MAGEB1: variants seen among roughly 807,000 people sequenced by gnomAD.
MAGEB1 encodes the protein melanoma-associated antigen B1.
For missense variants in MAGEB1, 290 were observed against 286.7 expected (o/e 1.01, Z -0.08); for synonymous variants, 99 against 105.7 (o/e 0.94, Z 0.39).
In MAGEB1 at chrX:30,250,957, GC is replaced by G. The variant is rs1268661633; in HGVS notation, c.466del (p.Arg156AlafsTer10). 8.3e-7 allele frequency: 1 copy of G among 1,209,800 alleles called. No individual in the cohort carries two copies. Among genetic ancestry groups the G allele is most frequent in the East Asian group, 3.0e-5 (1 of 33,759 alleles). ...HFTEILNGAS[R>X]RLELVFGLDL... ...ACTGAGATCCTCAATGGAGCCTCTC[GC>G]CGCTTGGAGCTCGTCTTTGGCCTTG... On this transcript the variant is annotated frameshift_variant, in exon 2 of 2. Transcript: ENST00000397548. LOFTEE classifies it low-confidence loss of function (END_TRUNC).
In MAGEB1 at chrX:30,251,191, A is replaced by C; in HGVS notation, c.698A>C (p.Glu233Ala). ...AATGTGTTGGGAGCCTATGATGGAG[A>C]GGAGCACTTAATCTATGGGGAACCC... Reference protein sequence around the residue: ...FMNVLGAYDGEEHLIYGEPRK... With the variant: ...FMNVLGAYDGAEHLIYGEPRK... Residue 233 changes from glutamate to alanine, a missense_variant, in exon 2 of 2, where the codon GAG becomes GCG. Transcript: ENST00000397548. 8.3e-7 allele frequency: 1 copy of C among 1,211,805 alleles called. No individual in the cohort carries two copies. Among genetic ancestry groups the C allele is most frequent in the Non-Finnish European group, 1.1e-6 (1 of 895,339 alleles).
At chrX:30,245,106 C>T (rs1925268649), upstream of MAGEB1, among the ~76,000 whole-genome samples, 1 of 111,438 alleles carries the variant, frequency 9.0e-6, no homozygotes, top group African/African-American at 3.3e-5. Context: ...CAGAGTTGGT[C>T]CTTGAACCAA....
At chrX:30,246,677 G>T (rs1258879832), upstream of MAGEB1, among the ~76,000 whole-genome samples, 3 of 112,146 alleles carry the variant, frequency 2.7e-5, no homozygotes, top group African/African-American at 6.5e-5. Context: ...AGTCCCCACA[G>T]AATTCACCCC....
Position 30,251,458 on chromosome X carries a change from G to A in MAGEB1, c.965G>A (p.Arg322Lys). Residue 322 changes from arginine to lysine, a missense_variant, in exon 2 of 2, where the codon AGA (arginine) becomes AAA (lysine). Arg to Lys is a conservative substitution (Grantham distance 26, BLOSUM62 2). Transcript: ENST00000397548. ...AGAGCCCAAGTCCGATCCAGTGTTAGAGCCAGGCGTCGCACTACTGCCACG... is the reference window on the plus strand; with the variant it reads ...AGAGCCCAAGTCCGATCCAGTGTTAAAGCCAGGCGTCGCACTACTGCCACG... ...EERAQVRSSV[R>K]ARRRTTATTF... is the part of the protein sequence containing the mutation. 1.7e-6 allele frequency: 2 copies of A among 1,211,860 alleles called. No homozygotes were observed. Among genetic ancestry groups the A allele is most frequent in the Non-Finnish European group, 2.2e-6 (2 of 895,500 alleles).
intron 1 of MAGEB1, among the ~76,000 whole-genome samples, chrX:30,249,811 C>G (rs1337530861): frequency 2.7e-5 from 3 of 111,097 alleles, no homozygotes; most frequent in Non-Finnish European, 5.7e-5. Context: ...GCCCCCAACC[C>G]CCACCCCAAA....
upstream of MAGEB1, among the ~76,000 whole-genome samples, chrX:30,245,900 C>T (rs936877466): frequency 6.3e-5 from 7 of 111,898 alleles, no homozygotes; most frequent in African/African-American, 2.3e-4. Context: ...GTTTTTTTCC[C>T]TGAGAGCACA....
At chrX:30,245,370 A>G, upstream of MAGEB1, among the ~76,000 whole-genome samples, 1 of 112,254 alleles carries the variant, frequency 8.9e-6, no homozygotes, top group Non-Finnish European at 1.9e-5. Context: ...AATGCACACC[A>G]GGGCTTTGCA....
In MAGEB1 at chrX:30,250,956, C is replaced by A. The variant is rs764168405; in HGVS notation, c.463C>A (p.Arg155Ser). ...HFTEILNGAS[R>S]RLELVFGLDL... ...CACTGAGATCCTCAATGGAGCCTCTCGCCGCTTGGAGCTCGTCTTTGGCCT... is the reference window on the plus strand; with the variant it reads ...CACTGAGATCCTCAATGGAGCCTCTAGCCGCTTGGAGCTCGTCTTTGGCCT... The change falls in exon 2 of 2, where the codon CGC becomes AGC. Residue 155 changes from arginine (R) to serine (S), a missense_variant. By Grantham distance (110) the Arg-to-Ser change is moderately radical (BLOSUM62 -1). Transcript: ENST00000397548. 8.3e-7 allele frequency: 1 copy of A among 1,209,760 alleles called. No individual in the cohort carries two copies. Among genetic ancestry groups the A allele is most frequent in the Non-Finnish European group, 1.1e-6 (1 of 894,841 alleles).
chrX:30,250,875 C>T lies in MAGEB1; in HGVS notation c.382C>T (p.Pro128Ser), dbSNP rs1443853422. Residue 128 changes from proline (P) to serine (S), a missense_variant, in exon 2 of 2, where the codon CCC becomes TCC. By Grantham distance (74) the Pro-to-Ser change is moderately conservative. Coordinates refer to ENST00000397548, the MANE Select transcript of MAGEB1 (RefSeq NM_177404.3). ...TCTACGTAAGTATAAAATGAGAGAG[C>T]CCATTATGAAGGCAGATATGCTGAA... ...FILRKYKMRE[P>S]IMKADMLKVV... 8.3e-7 allele frequency: 1 copy of T among 1,210,444 alleles called. No individual in the cohort carries two copies. Among genetic ancestry groups the T allele is most frequent in the Non-Finnish European group, 1.1e-6 (1 of 895,019 alleles).
In MAGEB1 at chrX:30,250,484, C is replaced by T; in HGVS notation, c.-10C>T. ...CACTTTCCTGCCTGTTTTGCCTGAC[C>T]ACAGCCATCATGCCTCGGGGTCAGA... On this transcript the variant is annotated 5_prime_UTR_variant, in exon 2 of 2. Transcript: ENST00000397548. The T allele has an allele frequency of 6.8e-6, 8 of 1,170,816 alleles. No individual in the cohort carries two copies. The highest frequency in any genetic ancestry group is 9.1e-6 in the Non-Finnish European group (8 of 874,593).
chrX:30,245,822 C>T (rs1447515423), upstream of MAGEB1, among the ~76,000 whole-genome samples: 1 of 112,427 alleles, frequency 8.9e-6, no homozygotes, highest in African/African-American at 3.2e-5. Context: ...TGGCTCCACC[C>T]TTTTCTGTAG....
chrX:30,251,209 G>C lies in MAGEB1; in HGVS notation c.716G>C (p.Gly239Ala), dbSNP rs1339113072. The part of the protein sequence containing the change: ...AYDGEEHLIY[G>A]EPRKFITQDL... ...GATGGAGAGGAGCACTTAATCTATG[G>C]GGAACCCCGTAAGTTCATCACCCAA... Residue 239 changes from glycine (G) to alanine (A), a missense_variant, in exon 2 of 2, where the codon GGG becomes GCG. Physicochemically the swap from Gly to Ala is moderately conservative, Grantham distance 60 (BLOSUM62 0). Coordinates refer to ENST00000397548, the MANE Select transcript of MAGEB1 (RefSeq NM_177404.3). The C allele has an allele frequency of 1.1e-5, 13 of 1,210,329 alleles. No individual in the cohort carries two copies. Among genetic ancestry groups the C allele is most frequent in the Non-Finnish European group, 1.3e-5 (12 of 895,265 alleles).
Position 30,251,315 on chromosome X carries a change from G to A in MAGEB1, c.822G>A (p.Pro274=), listed in dbSNP as rs772666054. ...CACGCTATCAATTCCTATGGGGTCC[G>A]AGAGCCTATGCTGAAACCACCAAGA... is the stretch of plus-strand genomic sequence containing the variant. ...DPPRYQFLWG[P]RAYAETTKMK... is the part of the protein sequence containing the mutation. The change falls in exon 2 of 2, where the codon CCG becomes CCA. Residue 274 remains proline, a synonymous_variant. Coordinates refer to ENST00000397548, the MANE Select transcript of MAGEB1 (RefSeq NM_177404.3). 7.4e-6 allele frequency: 9 copies of A among 1,211,848 alleles called. No homozygotes were observed. The highest frequency in any genetic ancestry group is 1.0e-5 in the Non-Finnish European group (9 of 895,486).
Position 30,250,463 on chromosome X carries a change from T to C in MAGEB1, c.-31T>C, listed in dbSNP as rs1241967167. On this transcript the variant is annotated 5_prime_UTR_variant, in exon 2 of 2. Transcript: ENST00000397548. ...CACATCTCCTGCCTTTCTGCTCACT[T>C]TCCTGCCTGTTTTGCCTGACCACAG... 1 of 1,132,423 alleles carries C rather than the reference T, an allele frequency of 8.8e-7. No homozygotes were observed. The highest frequency in any genetic ancestry group is 1.2e-6 in the Non-Finnish European group (1 of 849,262). 93.3% of individuals were successfully genotyped at this position (1,132,423 alleles called of 1,213,427 possible). A position where few individuals can be genotyped will look rare whatever the true frequency, so the allele number is the denominator to read the frequency against.
chrX:30,250,409 C>A, intron 1 of MAGEB1, 25 bp from the exon 2 acceptor site: 2 of 824,100 alleles, frequency 2.4e-6, no homozygotes, highest in East Asian at 3.4e-5. Flanking sequence ...CAAGTACTCA[C>A]AGGATCTCAT....
upstream of MAGEB1, among the ~76,000 whole-genome samples, chrX:30,244,852 A>G (rs773238655): frequency 8.9e-6 from 1 of 112,059 alleles, no homozygotes; most frequent in East Asian, 2.8e-4. Flanking sequence ...TGAATCCAGT[A>G]CACAAACTAG....
chrX:30,249,923 A>G (rs1250516741), intron 1 of MAGEB1, among the ~76,000 whole-genome samples: 1 of 111,515 alleles, frequency 9.0e-6, no homozygotes, highest in Non-Finnish European at 1.9e-5. Context: ...CATCAGGTCT[A>G]AGGGAGGTGA....
At chrX:30,250,342 C>T (rs1181139392) in intron 1 of MAGEB1, 92 bp from the exon 2 acceptor site, 4 of 490,573 alleles carry the variant, frequency 8.2e-6, no homozygotes, top group Non-Finnish European at 1.4e-5. Context: ...AGAGCAATGC[C>T]CTCAAGAAAA....
chrX:30,248,885 GA>G (rs1313092244), intron 1 of MAGEB1, among the ~76,000 whole-genome samples: 3 of 111,860 alleles, frequency 2.7e-5, no homozygotes, highest in African/African-American at 9.8e-5. Flanking sequence ...ATTGTAGCCA[GA>G]TGGGAAAAGT....
Sources: allele counts gnomAD v4.1 joint callset (sites outside exome capture counted in the v4.1 genomes callset), GRCh38; gene constraint gnomAD v4.1.1; transcripts MANE v1.5; gene names NCBI Gene and HGNC (gene_info 2026-07-23, HGNC 2026-07-21).